The following ZNF521 variants were observed in gnomAD, a reference collection of about 807,000 sequenced individuals.
ZNF521 encodes the protein LYST-interacting protein 3.
In ZNF521, 14 loss-of-function variants were observed where a neutral mutation model predicts 105.5. The observed-to-expected ratio is 0.13, with a 90% CI of 0.09 to 0.21. The LOEUF is 0.21. ZNF521 is among the 10% of genes least tolerant of loss of function. The pLI is 1.00. For missense variants in ZNF521, 1,233 were observed against 1,629.7 expected, an observed-to-expected ratio of 0.76 and a Z score of 4.19; for synonymous variants, 635 against 606.0, an observed-to-expected ratio of 1.05 and a Z score of -0.70.
chr18:25,240,237 G>A (rs1907216386), intron 3 of ZNF521, among the ~76,000 whole-genome samples: 1 of 152,092 alleles, frequency 6.6e-6, no homozygotes, highest in Non-Finnish European at 1.5e-5. Flanking sequence ...AAGAAGACTA[G>A]GGACAAAGTT....
chr18:25,293,863 GACAATACTCTTTCAAAAAAGTA>G (rs1324509335), intron 3 of ZNF521, among the ~76,000 whole-genome samples: 6 of 152,110 alleles, frequency 3.9e-5, no homozygotes, highest in African/African-American at 7.2e-5. Context: ...ATTTTTAAGA[GACAATACTCTTTCAAAAAAGTA>G]GTGCCTTATG....
chr18:25,129,153 T>C (rs901210516), intron 5 of ZNF521, among the ~76,000 whole-genome samples: 1 of 151,498 alleles, frequency 6.6e-6, no homozygotes, highest in Non-Finnish European at 1.5e-5. Context: ...CACACAAATA[T>C]AGTCAACTGA....
At chr18:25,150,114 T>C (rs187079352) in intron 5 of ZNF521, among the ~76,000 whole-genome samples, 2 of 152,294 alleles carry the variant, frequency 1.3e-5, no homozygotes, top group Non-Finnish European at 2.9e-5. Flanking sequence ...AACAAGTTAA[T>C]GGCATTCACA....
chr18:25,135,737 G>C (rs1170150573), intron 5 of ZNF521, among the ~76,000 whole-genome samples: 2 of 152,088 alleles, frequency 1.3e-5, no homozygotes, highest in Non-Finnish European at 2.9e-5. Context: ...GAGAGCCCCA[G>C]GAAAGGTGTA....
chr18:25,233,504 C>G (rs1906671387), intron 3 of ZNF521, among the ~76,000 whole-genome samples: 1 of 152,094 alleles, frequency 6.6e-6, no homozygotes, highest in African/African-American at 2.4e-5. Context: ...ATATTTTGAA[C>G]TGTTCTAGAA....
chr18:25,266,941 TG>T (rs1255153740), intron 3 of ZNF521, among the ~76,000 whole-genome samples: 1 of 152,140 alleles, frequency 6.6e-6, no homozygotes, highest in Non-Finnish European at 1.5e-5. Flanking sequence ...GTTCATTCCC[TG>T]GAAAGTGGGC....
At chr18:25,107,182 AT>A (rs1452036668) in intron 5 of ZNF521, among the ~76,000 whole-genome samples, 1 of 152,244 alleles carries the variant, frequency 6.6e-6, no homozygotes, top group African/African-American at 2.4e-5. Context: ...TCAAGTACCT[AT>A]GTTGTGGGAC....
intron 4 of ZNF521, among the ~76,000 whole-genome samples, chr18:25,210,564 C>T (rs182462374): frequency 1.1e-4 from 16 of 152,340 alleles, no homozygotes; most frequent in African/African-American, 3.8e-4. Flanking sequence ...ATATCACATA[C>T]TTACGAGGTG....
intron 3 of ZNF521, among the ~76,000 whole-genome samples, chr18:25,314,364 T>A (rs1023956461): frequency 1.5e-4 from 23 of 152,182 alleles, no homozygotes; most frequent in African/African-American, 5.5e-4. Flanking sequence ...ATGACACATG[T>A]ATACTCACTT....
At chr18:25,150,720 G>T (rs75293200) in intron 5 of ZNF521, among the ~76,000 whole-genome samples, 2,735 of 151,970 alleles carry the variant, frequency 0.018, 73 homozygotes, top group African/African-American at 0.061. Flanking sequence ...CATCTATTGG[G>T]TCATAACTCC....
intron 4 of ZNF521, among the ~76,000 whole-genome samples, chr18:25,197,135 T>A (rs537663189): frequency 6.6e-6 from 1 of 151,864 alleles, no homozygotes; most frequent in African/African-American, 2.4e-5. Context: ...TCTTTTATCA[T>A]TGAATGAAAA....
At chr18:25,302,213 G>GT (rs1911687273) in intron 3 of ZNF521, 1 of 151,838 alleles carries the variant, frequency 6.6e-6, no homozygotes, top group Non-Finnish European at 1.5e-5. Flanking sequence ...TATAGATGCT[G>GT]GGAAAGGCTG....
intron 4 of ZNF521, among the ~76,000 whole-genome samples, chr18:25,211,409 G>A (rs1363867393): frequency 3.3e-5 from 5 of 152,038 alleles, no homozygotes; most frequent in Non-Finnish European, 7.4e-5. Context: ...TGTATACCTG[G>A]ACTCCTGCAC....
chr18:25,303,733 G>A (rs1204354606), intron 3 of ZNF521, among the ~76,000 whole-genome samples: 3 of 151,956 alleles, frequency 2.0e-5, no homozygotes, highest in Non-Finnish European at 4.4e-5. Context: ...CTACTTTTTG[G>A]GGCCCAAACT....
intron 5 of ZNF521, among the ~76,000 whole-genome samples, chr18:25,143,415 G>C (rs2034887441): frequency 6.6e-6 from 1 of 152,128 alleles, no homozygotes; most frequent in Non-Finnish European, 1.5e-5. Context: ...AATATGAAGT[G>C]TGTAAGTAAA....
chr18:25,204,549 T>C lies in ZNF521; in HGVS notation c.3574-9305A>G, dbSNP rs77407079. Among the ~76,000 whole-genome samples the C allele has an allele frequency of 9.2e-3, 1,407 of 152,278 alleles. 22 individuals are homozygous for C. The highest frequency in any genetic ancestry group is 0.032 in the African/African-American group (1,336 of 41,550). ...TTTAGGAATAAAGAGTCATTTTATT[T>C]CTAAGAATAATGTTTACTTTAAGTT... On this transcript the variant is annotated intron_variant, in intron 4 of 7. Transcript: ENST00000361524.
At chr18:25,216,738 G>A (rs1329713557) in intron 4 of ZNF521, among the ~76,000 whole-genome samples, 1 of 152,066 alleles carries the variant, frequency 6.6e-6, no homozygotes, top group African/African-American at 2.4e-5. Context: ...TTTCATTTCT[G>A]TAGAGACAGG....
chr18:25,082,488 A>AT (rs1397903043), intron 7 of ZNF521: 6 of 417,912 alleles, frequency 1.4e-5, no homozygotes, highest in Non-Finnish European at 2.4e-5. Flanking sequence ...AGAACACATG[A>AT]TAAGAGGCAA....
intron 5 of ZNF521, among the ~76,000 whole-genome samples, chr18:25,176,745 C>A (rs1436706154): frequency 6.6e-6 from 1 of 152,210 alleles, no homozygotes; most frequent in African/African-American, 2.4e-5. Flanking sequence ...ACAGATTACA[C>A]CAGCTTGCCC....
Sources: gnomAD v4.1 joint callset for allele counts (sites outside exome capture counted in the v4.1 genomes callset) on GRCh38, gnomAD v4.1.1 for gene constraint, MANE v1.5 for transcripts, NCBI Gene and HGNC (gene_info 2026-07-23, HGNC 2026-07-21) for gene names.